Variants in TMPRSS15 observed in about 807,000 individuals in gnomAD.
TMPRSS15 encodes transmembrane serine protease 15, also known as enteropeptidase.
A neutral mutation model predicts 125.3 loss-of-function variants in TMPRSS15; 128 were observed. That is an observed-to-expected ratio of 1.02 (90% CI 0.89 to 1.18). TMPRSS15 has a LOEUF of 1.18. Among genes scored for constraint, TMPRSS15 ranks in the 50% most tolerant of loss-of-function variants. TMPRSS15 has a pLI of 0.00. For synonymous variants in TMPRSS15, 446 were observed against 423.2 expected (o/e 1.05, Z -0.66); for missense variants, 1,283 against 1,212.7 (o/e 1.06, Z -0.86).
intron 3 of TMPRSS15, among the ~76,000 whole-genome samples, chr21:18,388,577 C>T (rs2075965449): frequency 6.6e-6 from 1 of 152,158 alleles, no homozygotes; most frequent in South Asian, 2.1e-4. Context: ...ATGGATTTCA[C>T]TAGGCAAAGC....
intron 1 of TMPRSS15, among the ~76,000 whole-genome samples, chr21:18,399,869 G>A (rs938597313): frequency 1.3e-5 from 2 of 152,034 alleles, no homozygotes; most frequent in Non-Finnish European, 2.9e-5. Context: ...ACTGATAAAT[G>A]ACTTCAGCAA....
chr21:18,432,474 A>G (rs1245678786), intron 1 of TMPRSS15, among the ~76,000 whole-genome samples: 15 of 152,202 alleles, frequency 9.9e-5, no homozygotes, highest in Non-Finnish European at 2.9e-5. Context: ...AGATGTAACT[A>G]GTGAAATTAA....
At chr21:18,275,939 C>T (rs1242702780) in intron 23 of TMPRSS15, among the ~76,000 whole-genome samples, 1 of 152,116 alleles carries the variant, frequency 6.6e-6, no homozygotes, top group Non-Finnish European at 1.5e-5. Flanking sequence ...ATGATTCATC[C>T]ACTAGAAGTA....
intron 1 of TMPRSS15, among the ~76,000 whole-genome samples, chr21:18,443,446 G>C (rs1041217230): frequency 4.6e-5 from 7 of 152,176 alleles, no homozygotes; most frequent in South Asian, 2.1e-4. Flanking sequence ...TCTCCACAGG[G>C]ACCTGTGTAA....
intron 13 of TMPRSS15, among the ~76,000 whole-genome samples, chr21:18,335,812 T>C (rs1210976060): frequency 2.0e-5 from 3 of 152,160 alleles, no homozygotes; most frequent in African/African-American, 7.2e-5. Flanking sequence ...AAACAAAAGA[T>C]TCATGAAATG....
At chr21:18,381,425 TTAAC>T (rs1354297591) in intron 4 of TMPRSS15, among the ~76,000 whole-genome samples, 1 of 152,174 alleles carries the variant, frequency 6.6e-6, no homozygotes, top group African/African-American at 2.4e-5. Flanking sequence ...TATGTAATTC[TTAAC>T]TAAATTTAAA....
At chr21:18,367,520 T>G (rs1440386443) in intron 6 of TMPRSS15, among the ~76,000 whole-genome samples, 1 of 140,656 alleles carries the variant, frequency 7.1e-6, no homozygotes, top group Non-Finnish European at 1.6e-5. Context: ...GCTTGCATTT[T>G]ATGTGGTATA....
chr21:18,404,081 G>A (rs1171584272), upstream of TMPRSS15, among the ~76,000 whole-genome samples: 1 of 152,156 alleles, frequency 6.6e-6, no homozygotes, highest in Non-Finnish European at 1.5e-5. Context: ...TGATTCTTAA[G>A]ACACTTCTCT....
intron 6 of TMPRSS15, 65 bp downstream of exon 6, chr21:18,372,128 G>A: frequency 7.3e-7 from 1 of 1,367,488 alleles, no homozygotes; most frequent in Non-Finnish European, 1.0e-6. Flanking sequence ...GTGTGTGTGT[G>A]TGTGTGTGTG....
intron 3 of TMPRSS15, among the ~76,000 whole-genome samples, chr21:18,387,218 T>G (rs1193339709): frequency 5.9e-5 from 9 of 152,122 alleles, no homozygotes; most frequent in Non-Finnish European, 1.3e-4. Context: ...GAATTCTTCC[T>G]TTAGGTTAAA....
chr21:18,325,392 T>A (rs193230393), intron 16 of TMPRSS15, among the ~76,000 whole-genome samples: 2 of 152,274 alleles, frequency 1.3e-5, no homozygotes, highest in South Asian at 2.1e-4. Flanking sequence ...CAGGGCCAGA[T>A]GGTAGACCTC....
intron 1 of TMPRSS15, among the ~76,000 whole-genome samples, chr21:18,418,775 T>C (rs1417654397): frequency 1.3e-5 from 2 of 152,160 alleles, no homozygotes; most frequent in African/African-American, 2.4e-5. Context: ...ATTGTTAAAA[T>C]TGGAATCTCC....
intron 3 of TMPRSS15, among the ~76,000 whole-genome samples, chr21:18,391,014 C>T (rs1175212194): frequency 6.6e-6 from 1 of 152,128 alleles, no homozygotes; most frequent in Non-Finnish European, 1.5e-5. Flanking sequence ...AGAACTCACA[C>T]ACTGTCATGA....
rs182586884 is a variant in TMPRSS15, at chr21:18,303,173, G to A, written c.2166-5344C>T. 1.1e-3 allele frequency among the ~76,000 whole-genome samples: 171 copies of A among 152,192 alleles called. 3 individuals carry two copies. The highest frequency in any genetic ancestry group is 2.0e-3 in the Admixed American group (31 of 15,264). ...AGACATAAGTGTTAGTAATTACACC[G>A]ACCTTTCATGTTTTGTAGATTTGCC... On this transcript the variant is annotated intron_variant, in intron 18 of 24. Transcript: ENST00000284885.
intron 22 of TMPRSS15, among the ~76,000 whole-genome samples, chr21:18,279,856 T>G (rs1262520455): frequency 6.6e-6 from 1 of 152,140 alleles, no homozygotes; most frequent in Non-Finnish European, 1.5e-5. Flanking sequence ...TTTAGGAGAT[T>G]GTTTTACAGG....
At chr21:18,305,281 C>G (rs1162462707) in intron 18 of TMPRSS15, among the ~76,000 whole-genome samples, 1 of 150,194 alleles carries the variant, frequency 6.7e-6, no homozygotes, top group Non-Finnish European at 1.5e-5. Flanking sequence ...CTCCGCCTCC[C>G]GGGTTCACGC....
intron 1 of TMPRSS15, among the ~76,000 whole-genome samples, chr21:18,445,195 G>T (rs2076252465): frequency 1.6e-5 from 2 of 127,778 alleles, no homozygotes; most frequent in Non-Finnish European, 3.4e-5. Flanking sequence ...TCTTGCATTG[G>T]TATATACCAC....
intron 5 of TMPRSS15, among the ~76,000 whole-genome samples, chr21:18,375,545 G>A (rs1219797640): frequency 6.6e-6 from 1 of 152,038 alleles, no homozygotes; most frequent in Admixed American, 6.6e-5. Context: ...AATAATAATT[G>A]GTTTCATTTA....
intron 1 of TMPRSS15, among the ~76,000 whole-genome samples, chr21:18,485,551 T>C (rs969984716): frequency 3.3e-5 from 5 of 152,054 alleles, no homozygotes; most frequent in African/African-American, 9.7e-5. Context: ...CATGTATAGT[T>C]ACAAAATTTT....
Sources: allele counts gnomAD v4.1 joint callset (sites outside exome capture counted in the v4.1 genomes callset), GRCh38; gene constraint gnomAD v4.1.1; transcripts MANE v1.5; gene names NCBI Gene and HGNC (gene_info 2026-07-23, HGNC 2026-07-21).